MAML3: variants seen among roughly 807,000 people sequenced by gnomAD.
MAML3 encodes mastermind like transcriptional coactivator 3.
In MAML3, 27 loss-of-function variants were observed where a neutral mutation model predicts 101.9. That is an observed-to-expected ratio of 0.27 (90% CI 0.20 to 0.37). The LOEUF (loss-of-function observed/expected upper bound fraction) is 0.37. Among genes scored for constraint, MAML3 ranks in the 10% least tolerant of loss-of-function variants. The probability of loss-of-function intolerance (pLI) is 1.00; values close to 1 mark genes in which losing one functional copy is unlikely to be tolerated. For synonymous variants in MAML3, 501 were observed against 555.9 expected (o/e 0.90, Z 1.39); for missense variants, 1,316 against 1,444.9 (o/e 0.91, Z 1.45).
At chr4:139,880,449 G>A (rs561581415) in intron 2 of MAML3, among the ~76,000 whole-genome samples, 1 of 152,160 alleles carries the variant, frequency 6.6e-6, no homozygotes, top group Non-Finnish European at 1.5e-5. Flanking sequence ...GGAGTGTTCT[G>A]TCCATATTCC....
chr4:139,732,606 T>C (rs1489836134), intron 2 of MAML3, among the ~76,000 whole-genome samples: 1 of 151,486 alleles, frequency 6.6e-6, no homozygotes, highest in Non-Finnish European at 1.5e-5. Context: ...AGATAGCTTG[T>C]CTTTACTTTT....
chr4:139,822,742 C>A (rs1308347549), intron 2 of MAML3, among the ~76,000 whole-genome samples: 1 of 152,300 alleles, frequency 6.6e-6, no homozygotes, highest in Non-Finnish European at 1.5e-5. Context: ...ACATCTCGAA[C>A]CCTAATCAGG....
chr4:139,993,177 C>A lies in MAML3; in HGVS notation c.469-102210G>T, dbSNP rs192571055. Among the ~76,000 whole-genome samples, 334 of 151,846 alleles carry A rather than the reference C, an allele frequency of 2.2e-3. 2 individuals are homozygous for A. The highest frequency in any genetic ancestry group is 0.01 in the Middle Eastern group (3 of 294). On this transcript the variant is annotated intron_variant, in intron 1 of 4. Coordinates refer to ENST00000509479, the MANE Select transcript of MAML3 (RefSeq NM_018717.5). ...GATCAGCCTGGCCAACAGGATGAAACCCCATCTCTAGTAAAAATACAAAAA... is the reference window on the plus strand; with the variant it reads ...GATCAGCCTGGCCAACAGGATGAAAACCCATCTCTAGTAAAAATACAAAAA...
At chr4:139,978,553 A>T (rs1457011700) in intron 1 of MAML3, among the ~76,000 whole-genome samples, 1 of 149,196 alleles carries the variant, frequency 6.7e-6, no homozygotes, top group African/African-American at 2.5e-5. Context: ...GGTAAAGGGC[A>T]GTTGACCCTC....
chr4:139,809,757 CAT>C (rs1309603481), intron 2 of MAML3, among the ~76,000 whole-genome samples: 2 of 152,192 alleles, frequency 1.3e-5, no homozygotes, highest in African/African-American at 4.8e-5. Flanking sequence ...ACCCACCCCA[CAT>C]GTGAGCCCCC....
At chr4:139,916,010 T>C (rs775550092) in intron 1 of MAML3, among the ~76,000 whole-genome samples, 8 of 152,304 alleles carry the variant, frequency 5.3e-5, no homozygotes, top group South Asian at 4.1e-4. Flanking sequence ...TTCAAGATCT[T>C]TTCTCTTAAT....
chr4:140,046,684 G>A (rs954889341), intron 1 of MAML3, among the ~76,000 whole-genome samples: 3 of 152,096 alleles, frequency 2.0e-5, no homozygotes, highest in African/African-American at 7.2e-5. Flanking sequence ...ATACAAAGAT[G>A]AGGAAGACAC....
chr4:139,980,601 G>A (rs746965776), intron 1 of MAML3, among the ~76,000 whole-genome samples: 1 of 152,160 alleles, frequency 6.6e-6, no homozygotes, highest in Non-Finnish European at 1.5e-5. Flanking sequence ...TCTAATGATC[G>A]AGTTAAGTTG....
chr4:140,134,128 C>CA, intron 1 of MAML3: 1 of 456,728 alleles, frequency 2.2e-6, no homozygotes, highest in Middle Eastern at 3.3e-4. Context: ...CAAGAAGAGT[C>CA]AACTGCAGGT....
intron 2 of MAML3, among the ~76,000 whole-genome samples, chr4:139,858,085 A>T (rs1511458): frequency 0.78 from 119,001 of 152,148 alleles, 46,738 homozygotes; most frequent in South Asian, 0.83. Flanking sequence ...GTGACAGGCG[A>T]GACAAGCACT....
chr4:140,004,226 C>A (rs1726398716), intron 1 of MAML3, among the ~76,000 whole-genome samples: 1 of 152,194 alleles, frequency 6.6e-6, no homozygotes, highest in Non-Finnish European at 1.5e-5. Context: ...GCAGTTCTCT[C>A]AATATTCTCA....
chr4:140,020,789 C>T (rs1426795884), intron 1 of MAML3, among the ~76,000 whole-genome samples: 1 of 152,296 alleles, frequency 6.6e-6, no homozygotes, highest in East Asian at 1.9e-4. Flanking sequence ...GGGCCAAACA[C>T]CATGCAGAAC....
At chr4:139,900,073 G>GT (rs374235350) in intron 1 of MAML3, among the ~76,000 whole-genome samples, 1 of 151,470 alleles carries the variant, frequency 6.6e-6, no homozygotes, top group African/African-American at 2.4e-5. Flanking sequence ...CCAGCCCAGG[G>GT]GACAGAACCA....
chr4:139,861,566 C>T (rs1456063104), intron 2 of MAML3, among the ~76,000 whole-genome samples: 2 of 150,986 alleles, frequency 1.3e-5, no homozygotes, highest in Non-Finnish European at 2.9e-5. Flanking sequence ...TTCCACATTA[C>T]AGATAAGGAA....
chr4:140,046,548 T>C (rs1448530390), intron 1 of MAML3, among the ~76,000 whole-genome samples: 1 of 152,200 alleles, frequency 6.6e-6, no homozygotes, highest in Non-Finnish European at 1.5e-5. Flanking sequence ...TTTGAAAACC[T>C]GGCGAATTAT....
At chr4:139,941,656 G>C (rs556784832) in intron 1 of MAML3, among the ~76,000 whole-genome samples, 117 of 152,238 alleles carry the variant, frequency 7.7e-4, no homozygotes, top group African/African-American at 2.7e-3. Context: ...AAATGTACAT[G>C]TATGTGTGCA....
At chr4:139,971,310 C>T (rs1734231377) in intron 1 of MAML3, among the ~76,000 whole-genome samples, 1 of 152,240 alleles carries the variant, frequency 6.6e-6, no homozygotes, top group African/African-American at 2.4e-5. Context: ...GACTAAACCA[C>T]AGAAAGTGTC....
chr4:140,126,844 G>A lies in MAML3; in HGVS notation c.468+26016C>T, dbSNP rs149099981. Among the ~76,000 whole-genome samples, 108 of 152,286 alleles carry A rather than the reference G, an allele frequency of 7.1e-4. 1 individual carries two copies. The highest frequency in any genetic ancestry group is 2.4e-3 in the African/African-American group (99 of 41,546). ...CATTTTCCAAGCCAGAAAACTGGAA[G>A]TCATCCCTGATTTCTCTCAGTCCCC... On this transcript the variant is annotated intron_variant, in intron 1 of 4. Transcript: ENST00000509479.
At chr4:139,736,926 A>C (rs530813028) in intron 2 of MAML3, among the ~76,000 whole-genome samples, 1 of 152,334 alleles carries the variant, frequency 6.6e-6, no homozygotes, top group East Asian at 1.9e-4. Context: ...CTTTGGAACA[A>C]AATTTTCAAA....
Sources: allele counts gnomAD v4.1 joint callset (sites outside exome capture counted in the v4.1 genomes callset), GRCh38; gene constraint gnomAD v4.1.1; transcripts MANE v1.5; gene names NCBI Gene and HGNC (gene_info 2026-07-23, HGNC 2026-07-21).